ALK: variants seen among roughly 807,000 people sequenced by gnomAD.
ALK encodes ALK receptor tyrosine kinase, also known as ALK tyrosine kinase receptor.
ALK carries 74 observed loss-of-function variants against 163.1 expected under a neutral mutation model. The ratio of observed to expected loss-of-function variants is 0.45; its 90% CI spans 0.38 to 0.55. The LOEUF is 0.55. Ranked by LOEUF, ALK falls within the 20% of genes least tolerant of loss-of-function variation. ALK has a pLI of 0.00. For synonymous variants in ALK, 960 were observed against 843.2 expected, an observed-to-expected ratio of 1.14 and a Z score of -2.40; for missense variants, 2,063 against 2,105.3, an observed-to-expected ratio of 0.98 and a Z score of 0.39.
At chr2:29,841,776 C>T (rs552100095) in intron 1 of ALK, among the ~76,000 whole-genome samples, 1 of 152,244 alleles carries the variant, frequency 6.6e-6, no homozygotes, top group African/African-American at 2.4e-5. Context: ...AAATACCCAT[C>T]GAAACTAGTT....
intron 12 of ALK, among the ~76,000 whole-genome samples, chr2:29,250,679 A>T (rs1427019101): frequency 6.6e-6 from 1 of 152,206 alleles, no homozygotes; most frequent in Non-Finnish European, 1.5e-5. Context: ...TTGCTCTCTT[A>T]CCAACAGTGA....
At chr2:29,285,039 C>G (rs1319622031) in intron 9 of ALK, among the ~76,000 whole-genome samples, 1 of 152,196 alleles carries the variant, frequency 6.6e-6, no homozygotes, top group Non-Finnish European at 1.5e-5. Context: ...TAGCCCATGT[C>G]TACTTAAGTT....
At chr2:29,210,203 T>C (rs1308296191) in intron 24 of ALK, among the ~76,000 whole-genome samples, 1 of 152,206 alleles carries the variant, frequency 6.6e-6, no homozygotes, top group Non-Finnish European at 1.5e-5. Context: ...CATATCTAAC[T>C]CTCACAACAA....
chr2:29,920,299 G>A lies in ALK; in HGVS notation c.361C>T (p.Arg121Trp), dbSNP rs746089013. ...CCCTTCAGCACCCTGGACAGCGTCC[G>A]GGCCTCTGCCGGGGCTGGTGAACCG... ...TAGSPAPAEA[R>W]TLSRVLKGGS... The change falls in exon 1 of 29, where the codon CGG (arginine) becomes TGG (tryptophan). Residue 121 changes from arginine (R) to tryptophan (W), a missense_variant. Arg to Trp is a moderately radical substitution (Grantham distance 101). Coordinates refer to ENST00000389048, the MANE Select transcript of ALK (RefSeq NM_004304.5). 7 of 1,566,066 alleles carry A rather than the reference G, an allele frequency of 4.5e-6. No individual in the cohort carries two copies. The East Asian group carries it at 9.5e-5, about 21-fold the overall frequency.
intron 1 of ALK, among the ~76,000 whole-genome samples, chr2:29,850,292 T>C (rs4666282): frequency 0.3 from 45,697 of 152,020 alleles, 7,343 homozygotes; most frequent in East Asian, 0.53. Context: ...GGGAGGGCAG[T>C]GCCAGATGAG....
At chr2:29,861,969 C>G (rs1012973310) in intron 1 of ALK, among the ~76,000 whole-genome samples, 7 of 151,972 alleles carry the variant, frequency 4.6e-5, no homozygotes, top group Non-Finnish European at 1.0e-4. Context: ...AAGGATGGCT[C>G]AAAATACACA....
rs373923145 is a variant in ALK at position 29,212,729 on chromosome 2, G to T, written c.3743+1255C>A. Among the ~76,000 whole-genome samples the T allele has an allele frequency of 3.8e-4, 53 of 140,732 alleles. 1 individual carries two copies. The South Asian group carries it at 0.012, about 31-fold the overall frequency. 92.3% of individuals were successfully genotyped at this position (140,732 alleles called of 152,430 possible). ...TTTTTTCTTTTTTTTTCTTTGAGAT[G>T]CAGTTTTGCTCTTGTTGCCCAGGCT... On this transcript the variant is annotated intron_variant, in intron 24 of 28. Transcript: ENST00000389048.
intron 3 of ALK, among the ~76,000 whole-genome samples, chr2:29,583,624 T>C (rs1674790229): frequency 6.6e-6 from 1 of 152,018 alleles, no homozygotes; most frequent in Non-Finnish European, 1.5e-5. Flanking sequence ...AGATCCCTGC[T>C]TCTGCCCTCC....
chr2:29,471,983 T>C (rs898917808), intron 4 of ALK, among the ~76,000 whole-genome samples: 2 of 152,172 alleles, frequency 1.3e-5, no homozygotes, highest in Admixed American at 6.5e-5. Flanking sequence ...CCTCAGGTGA[T>C]CCACCCACCG....
intron 1 of ALK, among the ~76,000 whole-genome samples, chr2:29,835,605 T>C (rs1013301325): frequency 1.3e-5 from 2 of 152,180 alleles, no homozygotes; most frequent in Non-Finnish European, 2.9e-5. Flanking sequence ...AAGTCCATGA[T>C]ATGGTTTGCC....
At chr2:29,518,666 T>C (rs1342676827) in intron 4 of ALK, among the ~76,000 whole-genome samples, 2 of 152,162 alleles carry the variant, frequency 1.3e-5, no homozygotes, top group Non-Finnish European at 2.9e-5. Context: ...TAAGAATCCC[T>C]CTGAACAATA....
chr2:29,876,714 GTGATGGTGATGA>G (rs1180929728), intron 1 of ALK, among the ~76,000 whole-genome samples: 2 of 150,240 alleles, frequency 1.3e-5, no homozygotes, highest in African/African-American at 4.9e-5. Flanking sequence ...GGTGATGGTG[GTGATGGTGATGA>G]TGATGGTGGT....
At chr2:29,532,510 AG>A (rs1673149132) in intron 3 of ALK, among the ~76,000 whole-genome samples, 1 of 152,220 alleles carries the variant, frequency 6.6e-6, no homozygotes, top group Non-Finnish European at 1.5e-5. Flanking sequence ...CTTAGGTTTC[AG>A]TTTCCTCCCT....
chr2:29,309,477 C>A (rs142502235), intron 8 of ALK, among the ~76,000 whole-genome samples: 18 of 152,272 alleles, frequency 1.2e-4, no homozygotes, highest in African/African-American at 4.3e-4. Flanking sequence ...AAAGGTATTA[C>A]ATTAATTATG....
chr2:29,390,937 C>T (rs1042473441), intron 4 of ALK, among the ~76,000 whole-genome samples: 11 of 152,166 alleles, frequency 7.2e-5, no homozygotes, highest in Non-Finnish European at 4.4e-5. Context: ...TGAATGTGCT[C>T]TGAAGAGGAT....
In ALK at chr2:29,276,882, G is replaced by A. The variant is rs1665561750; in HGVS notation, c.1818-1386C>T. Among the ~76,000 whole-genome samples, 3 of 152,306 alleles carry A rather than the reference G, an allele frequency of 2.0e-5. No homozygotes were observed. In the South Asian group the frequency reaches 6.2e-4, roughly 32 times the overall value. ...GCACCTAGGCTTTTTTTGGGGTGATGAAAATGCTCAGAAACGGGATTGTGG... is the reference window on the plus strand; with the variant it reads ...GCACCTAGGCTTTTTTTGGGGTGATAAAAATGCTCAGAAACGGGATTGTGG... On this transcript the variant is annotated intron_variant, in intron 9 of 28. Transcript: ENST00000389048.
intron 3 of ALK, among the ~76,000 whole-genome samples, chr2:29,624,942 C>T (rs1188317956): frequency 6.6e-6 from 1 of 152,162 alleles, no homozygotes; most frequent in Non-Finnish European, 1.5e-5. Context: ...AACCTACACA[C>T]TAGGTGGGGA....
At chr2:29,247,431 G>A (rs1356564143) in intron 12 of ALK, among the ~76,000 whole-genome samples, 1 of 152,246 alleles carries the variant, frequency 6.6e-6, no homozygotes, top group Non-Finnish European at 1.5e-5. Context: ...CTCAGAGGAA[G>A]GGGTAAGTCC....
chr2:29,269,933 G>A (rs568987993), intron 11 of ALK, among the ~76,000 whole-genome samples: 2 of 152,338 alleles, frequency 1.3e-5, no homozygotes, highest in East Asian at 3.9e-4. Context: ...CTGCCTGCCT[G>A]GGGCACCGTC....
Sources: gnomAD v4.1 joint callset for allele counts (sites outside exome capture counted in the v4.1 genomes callset) on GRCh38, gnomAD v4.1.1 for gene constraint, MANE v1.5 for transcripts, NCBI Gene and HGNC (gene_info 2026-07-23, HGNC 2026-07-21) for gene names.